Variants in KIF1B observed in about 807,000 individuals in gnomAD.
KIF1B encodes the protein kinesin family member 1B, also known as kinesin-like protein KIF1B.
A neutral mutation model predicts 241.9 loss-of-function variants in KIF1B; 76 were observed. The observed-to-expected ratio is 0.31, with a 90% CI of 0.26 to 0.38. KIF1B has a LOEUF of 0.38. Ranked by LOEUF, KIF1B falls within the 10% of genes least tolerant of loss-of-function variation. The probability of loss-of-function intolerance (pLI) is 1.00; values close to 1 mark genes in which losing one functional copy is unlikely to be tolerated. For synonymous variants in KIF1B, 750 were observed against 796.7 expected (o/e 0.94, Z 0.99); for missense variants, 1,622 against 2,271.4 (o/e 0.71, Z 5.81).
At position 10,378,547 on chromosome 1, in the gene KIF1B, C is replaced by A; in HGVS notation, c.*1960C>A. Reference sequence around the variant, plus strand: ...ATTGCTCAGGCATTCAGGAAAGTATCTGCTCACTCCCACTTGGTGAGTCCT... The same window carrying A: ...ATTGCTCAGGCATTCAGGAAAGTATATGCTCACTCCCACTTGGTGAGTCCT... On this transcript the variant is annotated 3_prime_UTR_variant, in exon 49 of 49. Coordinates refer to ENST00000676179, the MANE Select transcript of KIF1B (RefSeq NM_001365951.3). The A allele has an allele frequency of 1.5e-6, 1 of 670,166 alleles. No individual in the cohort carries two copies. The highest frequency in any genetic ancestry group is 2.7e-6 in the Non-Finnish European group (1 of 364,070). 41.5% of individuals were successfully genotyped at this position (670,166 alleles called of 1,614,324 possible).
chr1:10,233,304 C>A (rs75377618), intron 2 of KIF1B, among the ~76,000 whole-genome samples: 2,839 of 152,148 alleles, frequency 0.019, 41 homozygotes, highest in Non-Finnish European at 0.028. Flanking sequence ...TAAGGGCTTG[C>A]AACAATCTTT....
intron 15 of KIF1B, among the ~76,000 whole-genome samples, chr1:10,285,066 A>G (rs1649622201): frequency 1.3e-5 from 2 of 152,166 alleles, no homozygotes; most frequent in Non-Finnish European, 2.9e-5. Context: ...GAGGAGTGGT[A>G]AGACTCCATT....
intron 17 of KIF1B, among the ~76,000 whole-genome samples, chr1:10,292,775 G>A (rs766786316): frequency 1.9e-4 from 29 of 152,148 alleles, no homozygotes; most frequent in African/African-American, 3.6e-4. Flanking sequence ...AAGTTGCAAC[G>A]TCTTGTTGGA....
intron 2 of KIF1B, among the ~76,000 whole-genome samples, chr1:10,255,454 G>A (rs1569586657): frequency 6.6e-6 from 1 of 152,100 alleles, no homozygotes; most frequent in African/African-American, 2.4e-5. Context: ...GCCAGTTGTA[G>A]TGGTGGATGC....
chr1:10,276,225 C>G (rs1322809989), intron 11 of KIF1B, 96 bp from the exon 12 acceptor site: 8 of 848,018 alleles, frequency 9.4e-6, no homozygotes, highest in Middle Eastern at 2.2e-4. Context: ...TACATTAAAT[C>G]TTAGGATCTG....
At chr1:10,237,670 G>A (rs552773532) in intron 2 of KIF1B, among the ~76,000 whole-genome samples, 5 of 152,056 alleles carry the variant, frequency 3.3e-5, no homozygotes, top group African/African-American at 7.2e-5. Flanking sequence ...ACCAAATGCC[G>A]CACAGCGTAA....
intron 17 of KIF1B, among the ~76,000 whole-genome samples, chr1:10,292,618 C>T (rs1650053057): frequency 6.6e-6 from 1 of 152,214 alleles, no homozygotes; most frequent in South Asian, 2.1e-4. Flanking sequence ...CTGTCCCTAT[C>T]CTTCTAGACT....
At chr1:10,274,576 A>G (rs145519620) in intron 10 of KIF1B, among the ~76,000 whole-genome samples, 226 of 152,330 alleles carry the variant, frequency 1.5e-3, no homozygotes, top group African/African-American at 5.3e-3. Flanking sequence ...ATATTATTTT[A>G]CAAGAGTTAC....
In KIF1B at chr1:10,369,232, G is replaced by T. The variant is rs1030128714; in HGVS notation, c.4824+694G>T. 3.3e-5 allele frequency among the ~76,000 whole-genome samples: 5 copies of T among 152,170 alleles called. No individual in the cohort carries two copies. The South Asian group carries it at 8.3e-4, about 25-fold the overall frequency. On this transcript the variant is annotated intron_variant, in intron 44 of 48. Coordinates refer to ENST00000676179, the MANE Select transcript of KIF1B (RefSeq NM_001365951.3). Reference sequence around the variant, plus strand: ...CCTGATGCTTTTTAAAGTGTTTGTTGAGTGGTTTATTGTCTGTCTTAAGCT... The same window carrying T: ...CCTGATGCTTTTTAAAGTGTTTGTTTAGTGGTTTATTGTCTGTCTTAAGCT...
chr1:10,375,873 C>T (rs1253577202), intron 48 of KIF1B, among the ~76,000 whole-genome samples: 4 of 145,292 alleles, frequency 2.8e-5, no homozygotes, highest in African/African-American at 1.0e-4. Flanking sequence ...ATCGGCTCAC[C>T]GCAACCTCCA....
In KIF1B at chr1:10,323,989, C is replaced by T. The variant is rs760896802; in HGVS notation, c.2464C>T (p.Arg822Cys). The T allele has an allele frequency of 6.8e-6, 11 of 1,614,156 alleles. No homozygotes were observed. Among genetic ancestry groups the T allele is most frequent in the South Asian group, 2.2e-5 (2 of 91,074 alleles). Residue 822 changes from arginine (R) to cysteine (C), a missense_variant, in exon 25 of 49, where the codon CGC becomes TGC. By Grantham distance (180) the Arg-to-Cys change is radical. Coordinates refer to ENST00000676179, the MANE Select transcript of KIF1B (RefSeq NM_001365951.3). ...AACTCATGAGGACAGGCCTTTCCCTCGCACAGTGGTAGCAGTAGAAGTCCA... is the reference window on the plus strand; with the variant it reads ...AACTCATGAGGACAGGCCTTTCCCTTGCACAGTGGTAGCAGTAGAAGTCCA... ...EKTHEDRPFP[R>C]TVVAVEVQDL... is the part of the protein sequence containing the mutation.
intron 1 of KIF1B, among the ~76,000 whole-genome samples, chr1:10,231,270 G>A (rs1343501327): frequency 6.6e-6 from 1 of 151,604 alleles, no homozygotes; most frequent in Non-Finnish European, 1.5e-5. Flanking sequence ...ATAGTTAAAC[G>A]AATTGACTAG....
chr1:10,372,665 TGTCACCCAAG>T (rs1638775389), intron 45 of KIF1B, among the ~76,000 whole-genome samples: 1 of 119,012 alleles, frequency 8.4e-6, no homozygotes, highest in South Asian at 3.2e-4. Flanking sequence ...GTGACAGAGC[TGTCACCCAAG>T]CTGGCGCGCA....
At chr1:10,373,742 C>G (rs1638808595) in intron 45 of KIF1B, among the ~76,000 whole-genome samples, 1 of 152,198 alleles carries the variant, frequency 6.6e-6, no homozygotes, top group Non-Finnish European at 1.5e-5. Flanking sequence ...TTCAGGAACC[C>G]TGGGTCTTCC....
At chr1:10,264,199 G>T (rs1245646172) in intron 5 of KIF1B, among the ~76,000 whole-genome samples, 2 of 152,020 alleles carry the variant, frequency 1.3e-5, no homozygotes, top group African/African-American at 4.8e-5. Flanking sequence ...TATTTTTTAT[G>T]TTTGTTGTTT....
At chr1:10,321,635 A>G in intron 23 of KIF1B, 74 bp from the exon 24 acceptor site, 3 of 1,486,256 alleles carry the variant, frequency 2.0e-6, no homozygotes, top group South Asian at 1.1e-5. Flanking sequence ...GGTAAAAGAG[A>G]TAAGCTAGAA....
rs527593542 is a variant in KIF1B at position 10,295,569 on chromosome 1, C to T, written c.1671-91C>T. 5 of 1,187,100 alleles carry T rather than the reference C, an allele frequency of 4.2e-6. No homozygotes were observed. The African/African-American group carries it at 6.0e-5, about 14-fold the overall frequency. 73.5% of individuals were successfully genotyped at this position (1,187,100 alleles called of 1,614,324 possible). On this transcript the variant is annotated intron_variant, in intron 18 of 48. Coordinates refer to ENST00000676179, the MANE Select transcript of KIF1B (RefSeq NM_001365951.3). ...CAAGGCAATACCTTTTTTGTACGTA[C>T]CAAAGGATATTCTTTGGAATAAAGA...
intron 2 of KIF1B, among the ~76,000 whole-genome samples, chr1:10,233,704 A>G (rs977876139): frequency 4.2e-4 from 59 of 141,174 alleles, no homozygotes; most frequent in African/African-American, 1.4e-3. Flanking sequence ...TTGTATCTCA[A>G]TAAAGCTTTT....
rs1638983857 is a variant in KIF1B, at chr1:10,380,087, T to C, written c.*3500T>C. 4.4e-6 allele frequency: 1 copy of C among 228,512 alleles called. No homozygotes were observed. The highest frequency in any genetic ancestry group is 2.2e-5 in the African/African-American group (1 of 45,140). 14.2% of individuals were successfully genotyped at this position (228,512 alleles called of 1,614,324 possible). A position where few individuals can be genotyped will look rare whatever the true frequency, so the allele number is the denominator to read the frequency against. Reference sequence around the variant, plus strand: ...TTCAGATGAAGGAACTAAGTCATTGTGAACTGTCTCTTGAGATCTAAAAAC... The same window carrying C: ...TTCAGATGAAGGAACTAAGTCATTGCGAACTGTCTCTTGAGATCTAAAAAC... On this transcript the variant is annotated 3_prime_UTR_variant, in exon 49 of 49. Transcript: ENST00000676179.
Sources: gnomAD v4.1 joint callset for allele counts (sites outside exome capture counted in the v4.1 genomes callset) on GRCh38, gnomAD v4.1.1 for gene constraint, MANE v1.5 for transcripts, NCBI Gene and HGNC (gene_info 2026-07-23, HGNC 2026-07-21) for gene names.